The following HYDIN variants were observed in gnomAD, a reference collection of about 807,000 sequenced individuals.
HYDIN encodes HYDIN axonemal central pair apparatus protein, also known as axonemal central pair apparatus protein HYDIN.
In HYDIN, 132 loss-of-function variants were observed where a neutral mutation model predicts 403.9. That is an observed-to-expected ratio of 0.33 (90% CI 0.28 to 0.38). The LOEUF (loss-of-function observed/expected upper bound fraction) is 0.38. Among genes scored for constraint, HYDIN ranks in the 10% least tolerant of loss-of-function variants. The pLI is 1.00. For synonymous variants in HYDIN, 1,202 were observed against 1,891.7 expected, an observed-to-expected ratio of 0.64 and a Z score of 9.46; for missense variants, 2,827 against 5,009.5, an observed-to-expected ratio of 0.56 and a Z score of 13.15.
At chr16:71,019,347 G>GATTCTGGT (rs2080385304) in intron 22 of HYDIN, among the ~76,000 whole-genome samples, 1 of 152,252 alleles carries the variant, frequency 6.6e-6, no homozygotes, top group Admixed American at 6.5e-5. Flanking sequence ...GGGCTTAAAC[G>GATTCTGGT]ATTCTGGTAT....
chr16:71,216,264 T>C (rs2088876078), intron 1 of HYDIN, among the ~76,000 whole-genome samples: 1 of 152,184 alleles, frequency 6.6e-6, no homozygotes, highest in Admixed American at 6.5e-5. Context: ...TCCTATAATA[T>C]AATATCACAA....
rs2040092312 is a variant in HYDIN, at chr16:70,871,427, TG to T, written c.11091+609del. On this transcript the variant is annotated intron_variant, in intron 65 of 85. Coordinates refer to ENST00000393567, the MANE Select transcript of HYDIN (RefSeq NM_001270974.2). ...TGAACTATCTACAAAAAGCAACCAC[TG>T]GCCAGAGGCAACGATCTTCTAGAAC... 2.0e-5 allele frequency among the ~76,000 whole-genome samples: 3 copies of T among 152,006 alleles called. No individual in the cohort carries two copies. The South Asian group carries it at 6.2e-4, about 32-fold the overall frequency.
rs548276894 is a variant in HYDIN, at chr16:70,818,658, T to C, written c.14428-86A>G. ...TGCACATTTTCAGAGCCTCCTTCTCTTTTTTAGCATTGTTTGGCACATGAA... is the reference window on the plus strand; with the variant it reads ...TGCACATTTTCAGAGCCTCCTTCTCCTTTTTAGCATTGTTTGGCACATGAA... On this transcript the variant is annotated intron_variant, in intron 83 of 85. Coordinates refer to ENST00000393567, the MANE Select transcript of HYDIN (RefSeq NM_001270974.2). 6.1e-4 allele frequency: 381 copies of C among 619,626 alleles called. 5 individuals are homozygous for C. In the South Asian group the frequency reaches 6.9e-3, roughly 11 times the overall value. The allele number at this position is 619,626 out of a possible 1,614,324, so 38.4% of individuals were successfully genotyped here.
At chr16:71,229,104 A>G (rs1197800845) in intron 1 of HYDIN, among the ~76,000 whole-genome samples, 1 of 146,000 alleles carries the variant, frequency 6.8e-6, no homozygotes. Context: ...GGCAACGAAC[A>G]ATGAGAACAC....
chr16:70,831,532 A>C (rs111722928), intron 80 of HYDIN, among the ~76,000 whole-genome samples: 1 of 148,422 alleles, frequency 6.7e-6, no homozygotes, highest in Non-Finnish European at 1.5e-5. Flanking sequence ...AAAAAACCAA[A>C]AAAAAAAAAA....
Position 71,064,704 on chromosome 16 carries a change from C to T in HYDIN, c.2211+1G>A. 6.2e-7 allele frequency: 1 copy of T among 1,613,110 alleles called. No homozygotes were observed. The highest frequency in any genetic ancestry group is 8.5e-7 in the Non-Finnish European group (1 of 1,179,712). On this transcript the variant is annotated splice_donor_variant, in intron 16 of 85. Transcript: ENST00000393567. LOFTEE classifies it high-confidence loss of function. ...TACTGAAGAAGGAGAAAGGAACTCACCTGAGGCTGGACCTCATAGAATCCT... is the reference window on the plus strand; with the variant it reads ...TACTGAAGAAGGAGAAAGGAACTCATCTGAGGCTGGACCTCATAGAATCCT...
chr16:70,832,913 G>C lies in HYDIN; in HGVS notation c.13834C>G (p.Gln4612Glu), dbSNP rs1384300726. ...GTTAGACTCAGAGGACTGCCTCCCT[G>C]GATGTAGCAGAGAATGTTTTTACAA... ...SLCKNILCYI[Q>E]GGSPLSLTLS... Residue 4612 changes from glutamine (Q) to glutamate (E), a missense_variant, in exon 80 of 86, where the codon CAG becomes GAG. Coordinates refer to ENST00000393567, the MANE Select transcript of HYDIN (RefSeq NM_001270974.2). 7.4e-6 allele frequency: 12 copies of C among 1,613,982 alleles called. No homozygotes were observed. Among genetic ancestry groups the C allele is most frequent in the Admixed American group, 1.7e-5 (1 of 60,018 alleles).
intron 9 of HYDIN, among the ~76,000 whole-genome samples, chr16:71,124,265 C>T (rs1190149676): frequency 3.9e-5 from 6 of 152,224 alleles, no homozygotes; most frequent in African/African-American, 1.4e-4. Context: ...ACACAACCTG[C>T]GGCCACATGG....
chr16:70,951,366 A>G (rs2078069463), intron 41 of HYDIN, among the ~76,000 whole-genome samples: 1 of 151,844 alleles, frequency 6.6e-6, no homozygotes, highest in Non-Finnish European at 1.5e-5. Flanking sequence ...ATTCCCAACT[A>G]TTTATTCCTT....
chr16:71,190,828 C>T (rs146532822), intron 1 of HYDIN, among the ~76,000 whole-genome samples: 22 of 152,270 alleles, frequency 1.4e-4, no homozygotes, highest in Admixed American at 6.5e-4. Flanking sequence ...TCTAAGCCTC[C>T]GACCTACCAG....
intron 39 of HYDIN, among the ~76,000 whole-genome samples, chr16:70,956,301 G>C (rs2078234194): frequency 6.7e-6 from 1 of 149,286 alleles, no homozygotes; most frequent in East Asian, 1.9e-4. Context: ...ACAGACAAGA[G>C]AAAAGAAAAA....
At chr16:71,152,958 G>A in intron 6 of HYDIN, 175 bp from the exon 7 acceptor site, 1 of 552,398 alleles carries the variant, frequency 1.8e-6, no homozygotes, top group South Asian at 2.1e-5. Context: ...TAGTTTTAAT[G>A]TTAAAATGAC....
chr16:71,085,057 CTTTCT>C (rs1256104900), intron 12 of HYDIN, among the ~76,000 whole-genome samples: 1 of 100,290 alleles, frequency 1.0e-5, no homozygotes, highest in Non-Finnish European at 1.9e-5. Context: ...GGGTTTTTAG[CTTTCT>C]TTTCTTGTAA....
At chr16:70,943,760 A>C in intron 42 of HYDIN, 52 bp downstream of exon 42, 1 of 1,586,084 alleles carries the variant, frequency 6.3e-7, no homozygotes, top group African/African-American at 1.3e-5. Flanking sequence ...GGGTGTGGGG[A>C]TGGTGCGTGA....
chr16:71,194,593 C>T (rs1054913013), intron 1 of HYDIN, among the ~76,000 whole-genome samples: 1 of 152,096 alleles, frequency 6.6e-6, no homozygotes, highest in Non-Finnish European at 1.5e-5. Flanking sequence ...AAGAGTGAGC[C>T]TACTCTAACA....
rs533200388 is a variant in HYDIN, at chr16:71,175,011, C to T, written c.516+596G>A. ...AATCTTTATCCTTTGTCTCAGCATT[C>T]CTCTCGTGACTACCACCGCCTATAC... is the stretch of plus-strand genomic sequence containing the variant. On this transcript the variant is annotated intron_variant, in intron 5 of 85. Coordinates refer to ENST00000393567, the MANE Select transcript of HYDIN (RefSeq NM_001270974.2). 3.9e-5 allele frequency among the ~76,000 whole-genome samples: 6 copies of T among 152,096 alleles called. No homozygotes were observed. In the East Asian group the frequency reaches 1.2e-3, roughly 29 times the overall value.
intron 73 of HYDIN, among the ~76,000 whole-genome samples, chr16:70,851,060 A>G (rs2038604664): frequency 6.6e-6 from 1 of 152,064 alleles, no homozygotes; most frequent in African/African-American, 2.4e-5. Flanking sequence ...ATTTAAATGT[A>G]AGACCTCAAA....
chr16:70,969,406 C>G (rs1252345234), intron 36 of HYDIN, among the ~76,000 whole-genome samples: 1 of 152,106 alleles, frequency 6.6e-6, no homozygotes, highest in Admixed American at 6.5e-5. Flanking sequence ...GAAATCTTCC[C>G]TACAGAGGAA....
intron 21 of HYDIN, among the ~76,000 whole-genome samples, chr16:71,023,149 G>A (rs909399939): frequency 6.6e-6 from 1 of 152,138 alleles, no homozygotes; most frequent in Non-Finnish European, 1.5e-5. Flanking sequence ...ACTTAAAAAT[G>A]AAGAATTTAA....
Sources: gnomAD v4.1 joint callset for allele counts (sites outside exome capture counted in the v4.1 genomes callset) on GRCh38, gnomAD v4.1.1 for gene constraint, MANE v1.5 for transcripts, NCBI Gene and HGNC (gene_info 2026-07-23, HGNC 2026-07-21) for gene names.